CATIP: variants seen among roughly 807,000 people sequenced by gnomAD.
CATIP encodes the protein ciliogenesis associated TTC17 interacting protein, also known as ciliogenesis-associated TTC17-interacting protein.
In CATIP, 40 loss-of-function variants were observed where a neutral mutation model predicts 42.5. That is an observed-to-expected ratio of 0.94 (90% CI 0.73 to 1.22). The LOEUF is 1.22. CATIP is among the 50% of genes most tolerant of loss of function. CATIP has a pLI of 0.00. For missense variants in CATIP, 489 were observed against 496.0 expected (o/e 0.99, Z 0.13); for synonymous variants, 222 against 200.2 (o/e 1.11, Z -0.92).
Position 218,357,603 on chromosome 2 carries a change from A to G in CATIP, c.188A>G (p.Gln63Arg), listed in dbSNP as rs922503699. The change falls in exon 3 of 10, where the codon CAG (glutamine) becomes CGG (arginine). Residue 63 changes from glutamine to arginine, a missense_variant. Gln to Arg is a conservative substitution (Grantham distance 43, BLOSUM62 1). Transcript: ENST00000289388. ...LAMVSDTGEP[Q>R]GELTIEVQRG... Reference sequence around the variant, plus strand: ...ATGGTCTCAGACACCGGGGAGCCTCAGGGAGAGCTGACCATTGAGGTGCAG... The same window carrying G: ...ATGGTCTCAGACACCGGGGAGCCTCGGGGAGAGCTGACCATTGAGGTGCAG... 15 of 1,614,080 alleles carry G rather than the reference A, an allele frequency of 9.3e-6. No homozygotes were observed. The highest frequency in any genetic ancestry group is 1.2e-5 in the Non-Finnish European group (14 of 1,179,964).
chr2:218,359,531 G>T (rs1160232365), intron 4 of CATIP, among the ~76,000 whole-genome samples: 1 of 152,002 alleles, frequency 6.6e-6, no homozygotes, highest in Non-Finnish European at 1.5e-5. Flanking sequence ...GGCCCCCAGG[G>T]AAGGCTAGGC....
intron 2 of CATIP, 76 bp from the exon 3 acceptor site, chr2:218,357,458 T>A: frequency 8.0e-7 from 1 of 1,251,122 alleles, no homozygotes; most frequent in Middle Eastern, 2.7e-4. Context: ...GGGACACTGG[T>A]GGTCATGGGG....
intron 2 of CATIP, 72 bp downstream of exon 2, chr2:218,357,259 G>GTCTCTCTCTCCCTCTCTCTCTCTCTC: frequency 1.9e-6 from 1 of 530,836 alleles, no homozygotes; most frequent in East Asian, 3.6e-5. Context: ...AGAAAGTCCA[G>GTCTCTCTCTCCCTCTCTCTCTCTCTC]TCTCTCTCTC....
In CATIP at chr2:218,363,513, G is replaced by A. The variant is rs1695317713; in HGVS notation, c.630+611G>A. ...AAAAAAAAAACAAAAAAAAAAAAAC[G>A]TCATTTTGGCCAGGCGCAGTGATTC... On this transcript the variant is annotated intron_variant, in intron 6 of 9. Transcript: ENST00000289388. Among the ~76,000 whole-genome samples, 8 of 133,924 alleles carry A rather than the reference G, an allele frequency of 6.0e-5. No homozygotes were observed. In the Admixed American group the frequency reaches 6.1e-4, roughly 10 times the overall value. The allele number at this position is 133,924 out of a possible 152,430, so 87.9% of individuals were successfully genotyped here.
At chr2:218,360,202 G>A (rs1055647325) in intron 4 of CATIP, among the ~76,000 whole-genome samples, 3 of 151,754 alleles carry the variant, frequency 2.0e-5, no homozygotes, top group Admixed American at 6.6e-5. Flanking sequence ...GCCCAGGCTG[G>A]AGTGTAGTGG....
intron 4 of CATIP, among the ~76,000 whole-genome samples, chr2:218,358,717 GTACAAAAAA>G (rs1261504420): frequency 1.3e-5 from 2 of 151,702 alleles, no homozygotes; most frequent in Admixed American, 6.6e-5. Context: ...TATAAATTTT[GTACAAAAAA>G]TACAAAAAGT....
At chr2:218,360,984 C>G (rs955913090) in intron 5 of CATIP, among the ~76,000 whole-genome samples, 1 of 151,978 alleles carries the variant, frequency 6.6e-6, no homozygotes, top group Non-Finnish European at 1.5e-5. Flanking sequence ...GCATGCACCA[C>G]CACGCCCGGC....
chr2:218,358,070 A>G lies in CATIP; in HGVS notation c.353A>G (p.Gln118Arg), dbSNP rs1695098254. Reference protein sequence around the residue: ...YLSEKLELMEQHSQDFIKFLI... With the variant: ...YLSEKLELMERHSQDFIKFLI... The stretch of plus-strand genomic sequence containing the variant: ...TCAGAGAAGCTGGAGCTCATGGAAC[A>G]GCACAGCCAAGACTTCATCAAGGTA... Residue 118 changes from glutamine to arginine, a missense_variant, in exon 4 of 10, where the codon CAG becomes CGG. By Grantham distance (43) the Gln-to-Arg change is conservative. Transcript: ENST00000289388. 6.2e-7 allele frequency: 1 copy of G among 1,614,036 alleles called. No homozygotes were observed. The highest frequency in any genetic ancestry group is 8.5e-7 in the Non-Finnish European group (1 of 1,180,010).
intron 8 of CATIP, 94 bp downstream of exon 8, chr2:218,367,194 C>G: frequency 1.0e-6 from 1 of 978,050 alleles, no homozygotes; most frequent in Non-Finnish European, 1.6e-6. Context: ...ACCCAGTGTG[C>G]TGTAAACGGG....
At chr2:218,367,362 G>C (rs1695486621) in intron 8 of CATIP, 68 bp from the exon 9 acceptor site, 1 of 1,423,108 alleles carries the variant, frequency 7.0e-7, no homozygotes, top group South Asian at 1.1e-5. Flanking sequence ...GGTGTTCTCG[G>C]GATCTCGCTG....
In CATIP at chr2:218,367,367, T is replaced by G. The variant is rs537432760; in HGVS notation, c.833-63T>G. 6 of 1,453,066 alleles carry G rather than the reference T, an allele frequency of 4.1e-6. No homozygotes were observed. In the South Asian group the frequency reaches 6.8e-5, roughly 17 times the overall value. 90.0% of individuals were successfully genotyped at this position (1,453,066 alleles called of 1,614,324 possible). ...CTTCTGTTTGGGTGTTCTCGGGATC[T>G]CGCTGTGTATCCAAGGAAGGTTCCG... On this transcript the variant is annotated intron_variant, in intron 8 of 9. Coordinates refer to ENST00000289388, the MANE Select transcript of CATIP (RefSeq NM_198559.2).
intron 5 of CATIP, among the ~76,000 whole-genome samples, chr2:218,361,395 T>C (rs530657138): frequency 1.3e-5 from 2 of 151,652 alleles, no homozygotes; most frequent in South Asian, 4.2e-4. Context: ...AAGATGTACA[T>C]TGGTTCATTG....
chr2:218,367,809 C>T lies in CATIP; in HGVS notation c.1009C>T (p.Leu337=). Residue 337 remains leucine (L), a synonymous_variant, in exon 10 of 10, where the codon CTG becomes TTG. Coordinates refer to ENST00000289388, the MANE Select transcript of CATIP (RefSeq NM_198559.2). ...CTCCGACTTCCTGCTCTTCCTGCTG[C>T]TGCGCCAGCCGGAGGACGTGGTCAC... is the stretch of plus-strand genomic sequence containing the variant. ...LISDFLLFLL[L]RQPEDVVTFA... is the part of the protein sequence containing the mutation. 1 of 1,612,998 alleles carries T rather than the reference C, an allele frequency of 6.2e-7. No homozygotes were observed. The highest frequency in any genetic ancestry group is 1.7e-4 in the Middle Eastern group (1 of 6,060).
chr2:218,362,669 T>C, intron 5 of CATIP, 66 bp from the exon 6 acceptor site: 1 of 1,496,550 alleles, frequency 6.7e-7, no homozygotes, highest in Admixed American at 2.1e-5. Flanking sequence ...ACACCTGGCT[T>C]GCCCACCCTC....
chr2:218,357,706 C>T lies in CATIP; in HGVS notation c.291C>T (p.Asp97=), dbSNP rs769940242. 82 of 1,613,916 alleles carry T rather than the reference C, an allele frequency of 5.1e-5. No homozygotes were observed. The highest frequency in any genetic ancestry group is 2.0e-5 in the Non-Finnish European group (24 of 1,180,008). The change falls in exon 3 of 10, where the codon GAC becomes GAT. Residue 97 remains aspartate, a synonymous_variant. Coordinates refer to ENST00000289388, the MANE Select transcript of CATIP (RefSeq NM_198559.2). Reference sequence around the variant, plus strand: ...ATGCCTCTAGCCGAGGCTTCTTGGACAAAATGCTCTGCGGAAATTCCCTCC... The same window carrying T: ...ATGCCTCTAGCCGAGGCTTCTTGGATAAAATGCTCTGCGGAAATTCCCTCC... ...FVHASSRGFL[D]KMLCGNSLLG...
At chr2:218,365,594 C>T (rs1284223294) in intron 7 of CATIP, 1 of 152,030 alleles carries the variant, frequency 6.6e-6, no homozygotes, top group African/African-American at 2.4e-5. Flanking sequence ...GGCTTTATCT[C>T]ATAACTTAGT....
intron 8 of CATIP, 148 bp from the exon 9 acceptor site, chr2:218,367,282 C>A: frequency 1.2e-6 from 1 of 824,184 alleles, no homozygotes; most frequent in South Asian, 1.6e-5. Flanking sequence ...ATCTTTCCTA[C>A]TGGAAGTCCC....
chr2:218,368,026 C>T lies in CATIP; in HGVS notation c.*62C>T. The T allele has an allele frequency of 6.9e-6, 10 of 1,443,790 alleles. No individual in the cohort carries two copies. Among genetic ancestry groups the T allele is most frequent in the Non-Finnish European group, 8.1e-6 (9 of 1,105,066 alleles). The allele number at this position is 1,443,790 out of a possible 1,614,324, so 89.4% of individuals were successfully genotyped here. A position where few individuals can be genotyped will look rare whatever the true frequency, so the allele number is the denominator to read the frequency against. On this transcript the variant is annotated 3_prime_UTR_variant, in exon 10 of 10. Transcript: ENST00000289388. ...GTCGGGCTGGGACGCGGGCGGGACG[C>T]GCCGGGGCGGGTGCGCTTTCCGGGC...
chr2:218,360,661 T>C lies in CATIP; in HGVS notation c.462+2T>C. 6.2e-7 allele frequency: 1 copy of C among 1,611,016 alleles called. No homozygotes were observed. On this transcript the variant is annotated splice_donor_variant, in intron 5 of 9. Coordinates refer to ENST00000289388, the MANE Select transcript of CATIP (RefSeq NM_198559.2). LOFTEE classifies it high-confidence loss of function. Reference sequence around the variant, plus strand: ...ACCAGAAGTATCAAGGAGGGTGAGGTAAGGATGAGAGCCAGATGGGAGTTG... The same window carrying C: ...ACCAGAAGTATCAAGGAGGGTGAGGCAAGGATGAGAGCCAGATGGGAGTTG...
Sources: gnomAD v4.1 joint callset for allele counts (sites outside exome capture counted in the v4.1 genomes callset) on GRCh38, gnomAD v4.1.1 for gene constraint, MANE v1.5 for transcripts, NCBI Gene and HGNC (gene_info 2026-07-23, HGNC 2026-07-21) for gene names.